TRABD2B: variants seen among roughly 807,000 people sequenced by gnomAD.
TRABD2B encodes metalloprotease TIKI2.
Under a neutral mutation model 40.1 loss-of-function variants are expected in TRABD2B, and 14 were observed. The ratio of observed to expected loss-of-function variants is 0.35; its 90% CI spans 0.23 to 0.55. The LOEUF (loss-of-function observed/expected upper bound fraction) is 0.55. Among genes scored for constraint, TRABD2B ranks in the 20% least tolerant of loss-of-function variants. TRABD2B has a pLI of 0.90. For missense variants in TRABD2B, 541 were observed against 648.6 expected (o/e 0.83, Z 1.80); for synonymous variants, 263 against 277.0 (o/e 0.95, Z 0.50).
At chr1:47,993,898 C>A (rs1646049099) in intron 2 of TRABD2B, 136 bp downstream of exon 2, 6 of 885,586 alleles carry the variant, frequency 6.8e-6, no homozygotes, top group Non-Finnish European at 1.0e-5. Context: ...CCTCGCTGCC[C>A]AGCAGAACCT....
intron 2 of TRABD2B, among the ~76,000 whole-genome samples, chr1:47,943,404 G>A (rs1645214028): frequency 6.6e-6 from 1 of 152,116 alleles, no homozygotes. Context: ...GGAGAAAGGA[G>A]GTTGAAAAAA....
intron 2 of TRABD2B, among the ~76,000 whole-genome samples, chr1:47,806,190 A>G (rs1241726606): frequency 6.6e-6 from 1 of 152,240 alleles, no homozygotes; most frequent in Non-Finnish European, 1.5e-5. Context: ...ACATCCATTC[A>G]TTCACAAACA....
intron 2 of TRABD2B, among the ~76,000 whole-genome samples, chr1:47,951,220 G>A (rs1645339202): frequency 1.3e-5 from 2 of 152,184 alleles, no homozygotes; most frequent in Non-Finnish European, 2.9e-5. Flanking sequence ...GCAGGGGCGA[G>A]TCATCGGGCA....
intron 2 of TRABD2B, among the ~76,000 whole-genome samples, chr1:47,974,478 C>A (rs1481420201): frequency 1.3e-5 from 2 of 152,158 alleles, no homozygotes; most frequent in African/African-American, 4.8e-5. Context: ...CAGCCTGGTC[C>A]CTCTCTAGCC....
intron 2 of TRABD2B, among the ~76,000 whole-genome samples, chr1:47,839,322 T>C (rs927328717): frequency 9.9e-5 from 15 of 151,986 alleles, no homozygotes; most frequent in African/African-American, 3.4e-4. Flanking sequence ...TGTGCACACC[T>C]CCACTGCAAG....
chr1:47,782,107 C>G (rs1644532379), intron 4 of TRABD2B, among the ~76,000 whole-genome samples: 1 of 152,116 alleles, frequency 6.6e-6, no homozygotes, highest in Non-Finnish European at 1.5e-5. Context: ...CACTTTTGCC[C>G]AGATGCATTT....
At chr1:47,909,650 GAACT>G (rs1216056410) in intron 2 of TRABD2B, among the ~76,000 whole-genome samples, 1 of 149,860 alleles carries the variant, frequency 6.7e-6, no homozygotes, top group Non-Finnish European at 1.5e-5. Context: ...AATAGAATGA[GAACT>G]CACTCATTAT....
In TRABD2B at chr1:47,898,648, C is replaced by T. The variant is rs1644557399; in HGVS notation, c.666+95386G>A. 2.0e-5 allele frequency among the ~76,000 whole-genome samples: 3 copies of T among 152,198 alleles called. No individual in the cohort carries two copies. The South Asian group carries it at 6.2e-4, about 31-fold the overall frequency. ...CTGAAGAATGTCTTTGGTAACTTGA[C>T]CTGAACTTATCCAAGGCTATATATA... On this transcript the variant is annotated intron_variant, in intron 2 of 6. Transcript: ENST00000606738.
rs74483852 is a variant in TRABD2B, at chr1:47,799,376, A to G, written c.813+2097T>C. Among the ~76,000 whole-genome samples, 582 of 152,176 alleles carry G rather than the reference A, an allele frequency of 3.8e-3. 5 individuals are homozygous for G. Among genetic ancestry groups the G allele is most frequent in the African/African-American group, 0.013 (527 of 41,498 alleles). ...GTCACTCGTAGGTGAGATTCCTAGGAGCCTCGTGGTGTCAGGGTGCTTCTC... is the reference window on the plus strand; with the variant it reads ...GTCACTCGTAGGTGAGATTCCTAGGGGCCTCGTGGTGTCAGGGTGCTTCTC... On this transcript the variant is annotated intron_variant, in intron 3 of 6. Coordinates refer to ENST00000606738, the MANE Select transcript of TRABD2B (RefSeq NM_001194986.2).
chr1:47,774,673 G>A (rs997043980), intron 6 of TRABD2B, among the ~76,000 whole-genome samples: 2 of 152,168 alleles, frequency 1.3e-5, no homozygotes, highest in African/African-American at 4.8e-5. Context: ...CCACTCCTAA[G>A]ACAGAGCCCA....
rs926887684 is a variant in TRABD2B at position 47,897,335 on chromosome 1, T to A, written c.667-95716A>T. Among the ~76,000 whole-genome samples, 3 of 151,970 alleles carry A rather than the reference T, an allele frequency of 2.0e-5. No individual in the cohort carries two copies. The East Asian group carries it at 5.8e-4, about 29-fold the overall frequency. On this transcript the variant is annotated intron_variant, in intron 2 of 6. Coordinates refer to ENST00000606738, the MANE Select transcript of TRABD2B (RefSeq NM_001194986.2). Reference sequence around the variant, plus strand: ...GAGGAAGCGAGCTGGGGGCAGCTGATCATTTTGGGCCTTGTAGGCTGCTGT... The same window carrying A: ...GAGGAAGCGAGCTGGGGGCAGCTGAACATTTTGGGCCTTGTAGGCTGCTGT...
chr1:47,798,262 G>A (rs1395743998), intron 3 of TRABD2B, among the ~76,000 whole-genome samples: 1 of 152,202 alleles, frequency 6.6e-6, no homozygotes, highest in African/African-American at 2.4e-5. Flanking sequence ...AACAGTCCAG[G>A]TCGATGGCTA....
chr1:47,966,426 A>G (rs1193034514), intron 2 of TRABD2B, among the ~76,000 whole-genome samples: 1 of 152,100 alleles, frequency 6.6e-6, no homozygotes, highest in Non-Finnish European at 1.5e-5. Flanking sequence ...ACATATCTCC[A>G]CTCAGCTTTC....
intron 2 of TRABD2B, among the ~76,000 whole-genome samples, chr1:47,804,754 G>T (rs1258714863): frequency 6.6e-6 from 1 of 152,178 alleles, no homozygotes; most frequent in Non-Finnish European, 1.5e-5. Flanking sequence ...TAGACCTAAA[G>T]CTTCCCAGAT....
At chr1:47,779,950 A>C (rs1023815640) in intron 4 of TRABD2B, among the ~76,000 whole-genome samples, 1 of 152,128 alleles carries the variant, frequency 6.6e-6, no homozygotes, top group Admixed American at 6.5e-5. Flanking sequence ...CCAGCATAGA[A>C]CTGCATAGTG....
At chr1:47,808,280 C>T (rs1644918687) in intron 2 of TRABD2B, among the ~76,000 whole-genome samples, 1 of 151,964 alleles carries the variant, frequency 6.6e-6, no homozygotes, top group South Asian at 2.1e-4. Flanking sequence ...CCACCAATGT[C>T]ACCAACACTA....
intron 2 of TRABD2B, among the ~76,000 whole-genome samples, chr1:47,826,076 G>A (rs1268479780): frequency 6.6e-6 from 1 of 152,216 alleles, no homozygotes; most frequent in Admixed American, 6.5e-5. Flanking sequence ...TGGCAGTTGG[G>A]CAAGTGAGGT....
intron 2 of TRABD2B, among the ~76,000 whole-genome samples, chr1:47,945,627 T>C (rs923531766): frequency 1.3e-5 from 2 of 152,218 alleles, no homozygotes; most frequent in African/African-American, 4.8e-5. Context: ...TCTGTCTCTA[T>C]AGTTTTTCCT....
chr1:47,912,117 G>C (rs1644771149), intron 2 of TRABD2B, among the ~76,000 whole-genome samples: 2 of 152,220 alleles, frequency 1.3e-5, no homozygotes, highest in Non-Finnish European at 2.9e-5. Context: ...AGAGGCCAGA[G>C]GTCAAATAGA....
Sources: allele counts gnomAD v4.1 joint callset (sites outside exome capture counted in the v4.1 genomes callset), GRCh38; gene constraint gnomAD v4.1.1; transcripts MANE v1.5; gene names NCBI Gene and HGNC (gene_info 2026-07-23, HGNC 2026-07-21).